The following RGS3 variants were observed in gnomAD, a reference collection of about 807,000 sequenced individuals.
RGS3 encodes regulator of G-protein signalling 3.
In RGS3, 80 loss-of-function variants were observed where a neutral mutation model predicts 132.6. The observed-to-expected ratio is 0.60, with a 90% CI of 0.50 to 0.73. The LOEUF (loss-of-function observed/expected upper bound fraction) is 0.73. Ranked by LOEUF, RGS3 falls within the 30% of genes least tolerant of loss-of-function variation. RGS3 has a pLI of 0.00. For missense variants in RGS3, 1,382 were observed against 1,530.8 expected (o/e 0.90, Z 1.62); for synonymous variants, 598 against 620.6 (o/e 0.96, Z 0.54).
chr9:113,461,675 C>T (rs143500558), intron 1 of RGS3: 238 of 1,599,454 alleles, frequency 1.5e-4, no homozygotes, highest in Non-Finnish European at 2.0e-4. Flanking sequence ...GGTGTAAGTG[C>T]CCAGTGTGGG....
intron 3 of RGS3, among the ~76,000 whole-genome samples, chr9:113,475,718 T>C (rs1829971966): frequency 1.3e-5 from 2 of 150,248 alleles, no homozygotes; most frequent in African/African-American, 4.9e-5. Context: ...CAAAGACAAG[T>C]TTTTAAAGGA....
chr9:113,551,288 A>G (rs1833328868), intron 19 of RGS3, among the ~76,000 whole-genome samples: 1 of 152,230 alleles, frequency 6.6e-6, no homozygotes, highest in Admixed American at 6.5e-5. Flanking sequence ...TCCATGTTGT[A>G]GCATGTATCA....
At position 113,508,726 on chromosome 9, in the gene RGS3, C is replaced by T. The variant is rs1030937943; in HGVS notation, c.1477+146C>T. On this transcript the variant is annotated intron_variant, in intron 14 of 24. Transcript: ENST00000350696. Reference sequence around the variant, plus strand: ...CCTATCGACACAGACTCTCTTTCCACGTGGTACCTTTTCTCCCTCACGGAA... The same window carrying T: ...CCTATCGACACAGACTCTCTTTCCATGTGGTACCTTTTCTCCCTCACGGAA... 45 of 740,954 alleles carry T rather than the reference C, an allele frequency of 6.1e-5. No homozygotes were observed. The African/African-American group carries it at 6.6e-4, about 11-fold the overall frequency. 45.9% of individuals were successfully genotyped at this position (740,954 alleles called of 1,614,324 possible). A position where few individuals can be genotyped will look rare whatever the true frequency, so the allele number is the denominator to read the frequency against.
chr9:113,525,466 T>C (rs978910299), intron 17 of RGS3, among the ~76,000 whole-genome samples: 6 of 152,192 alleles, frequency 3.9e-5, no homozygotes, highest in Non-Finnish European at 1.5e-5. Context: ...CCAAGAGACC[T>C]GCTGCAGCAG....
chr9:113,519,831 C>T (rs1831852710), intron 16 of RGS3, among the ~76,000 whole-genome samples: 1 of 152,162 alleles, frequency 6.6e-6, no homozygotes. Context: ...CTGATCCAGT[C>T]CCGCACCGTG....
At chr9:113,516,585 C>G (rs191576363) in intron 15 of RGS3, among the ~76,000 whole-genome samples, 1 of 152,250 alleles carries the variant, frequency 6.6e-6, no homozygotes, top group African/African-American at 2.4e-5. Context: ...TCTCGAACTC[C>G]TGACCTCAGG....
chr9:113,495,154 C>T (rs1208220607), intron 7 of RGS3, among the ~76,000 whole-genome samples: 2 of 152,082 alleles, frequency 1.3e-5, no homozygotes, highest in Non-Finnish European at 2.9e-5. Context: ...GCATTACAGG[C>T]GTGAGCCACC....
upstream of RGS3, among the ~76,000 whole-genome samples, chr9:113,455,806 C>T (rs2119149752): frequency 6.6e-6 from 1 of 152,306 alleles, no homozygotes; most frequent in South Asian, 2.1e-4. Context: ...GCAAATCCTT[C>T]ATTTCAAGGG....
exon 4 of RGS3, chr9:113,479,503 T>C: frequency 6.2e-7 from 1 of 1,614,230 alleles, no homozygotes; most frequent in East Asian, 2.2e-5. Flanking sequence ...CAGCTGAGGC[T>C]GTCCATTGAT....
chr9:113,593,882 A>T, intron 21 of RGS3: 2 of 1,555,136 alleles, frequency 1.3e-6, no homozygotes, highest in Non-Finnish European at 1.7e-6. Flanking sequence ...CAATTTGCTG[A>T]CTTGTCCCCC....
At chr9:113,594,244 A>G (rs1172804455) in intron 21 of RGS3, 186 bp from the exon 20 acceptor site, 1 of 1,612,496 alleles carries the variant, frequency 6.2e-7, no homozygotes, top group South Asian at 1.1e-5. Flanking sequence ...CTACAGACCA[A>G]TCTGCGGCCC....
Position 113,565,450 on chromosome 9 carries a change from G to A in RGS3, c.2038-18000G>A. 1 of 1,201,788 alleles carries A rather than the reference G, an allele frequency of 8.3e-7. No homozygotes were observed. Among genetic ancestry groups the A allele is most frequent in the Non-Finnish European group, 1.1e-6 (1 of 911,162 alleles). The allele number at this position is 1,201,788 out of a possible 1,614,324, so 74.4% of individuals were successfully genotyped here. ...AGAGGAGGAGGGACGGGTGATGCAA[G>A]GGTTTTGAAAGCGCTACCTAGATGT... On this transcript the variant is annotated intron_variant, in intron 19 of 24. Coordinates refer to ENST00000350696, the Ensembl canonical transcript of RGS3. The surrounding 1 kb of genome is among the most constrained non-coding windows in gnomAD (Gnocchi z 5.7).
At chr9:113,551,390 T>G (rs1432143209) in intron 19 of RGS3, among the ~76,000 whole-genome samples, 1 of 152,268 alleles carries the variant, frequency 6.6e-6, no homozygotes, top group Non-Finnish European at 1.5e-5. Flanking sequence ...ACATTTGGGT[T>G]GTTTACACCT....
At chr9:113,472,634 G>A (rs1829869219) in intron 3 of RGS3, among the ~76,000 whole-genome samples, 1 of 152,200 alleles carries the variant, frequency 6.6e-6, no homozygotes, top group Admixed American at 6.5e-5. Context: ...GGAATAGGGT[G>A]TGACTGCGAA....
chr9:113,532,300 A>G (rs556969671), intron 18 of RGS3, among the ~76,000 whole-genome samples: 83 of 152,264 alleles, frequency 5.5e-4, no homozygotes, highest in Middle Eastern at 6.8e-3. Flanking sequence ...AGTGTCCCCA[A>G]TTTAGACAGA....
intron 21 of RGS3, chr9:113,593,928 G>C (rs1346962944): frequency 6.2e-7 from 1 of 1,606,632 alleles, no homozygotes; most frequent in Non-Finnish European, 8.5e-7. Flanking sequence ...CCATGGTAAC[G>C]AGGAGGCCAG....
In RGS3 at chr9:113,565,424, A is replaced by T; in HGVS notation, c.2038-18026A>T. ...GAGGAGGACAAGTAGGAGGAGGAGG[A>T]AGAGGAGGAGGGACGGGTGATGCAA... On this transcript the variant is annotated intron_variant, in intron 19 of 24. Coordinates refer to ENST00000350696, the Ensembl canonical transcript of RGS3. The surrounding 1 kb of genome is among the most constrained non-coding windows in gnomAD (Gnocchi z 5.7). 7.9e-7 allele frequency: 1 copy of T among 1,273,548 alleles called. No individual in the cohort carries two copies. Among genetic ancestry groups the T allele is most frequent in the Non-Finnish European group, 1.0e-6 (1 of 974,200 alleles). 78.9% of individuals were successfully genotyped at this position (1,273,548 alleles called of 1,614,324 possible).
intron 3 of RGS3, among the ~76,000 whole-genome samples, chr9:113,466,972 ATTTT>A (rs902875169): frequency 6.8e-6 from 1 of 146,854 alleles, no homozygotes; most frequent in Non-Finnish European, 1.5e-5. Flanking sequence ...ATGGAATCGT[ATTTT>A]TTTTTTTATG....
chr9:113,546,048 AG>A (rs1470307261), intron 19 of RGS3, among the ~76,000 whole-genome samples: 1 of 152,218 alleles, frequency 6.6e-6, no homozygotes, highest in African/African-American at 2.4e-5. Context: ...TCCTGCTTAA[AG>A]ACCATTGTGG....
Sources: gnomAD v4.1 joint callset for allele counts (sites outside exome capture counted in the v4.1 genomes callset) on GRCh38, gnomAD v4.1.1 for gene constraint, Gnocchi (gnomAD v3.1) non-coding constraint, MANE v1.5 for transcripts, NCBI Gene and HGNC (gene_info 2026-07-23, HGNC 2026-07-21) for gene names.